The following BBS9 variants were observed in gnomAD, a reference collection of about 807,000 sequenced individuals.
BBS9 encodes the protein protein PTHB1.
In BBS9, 89 loss-of-function variants were observed where a neutral mutation model predicts 117.7. The ratio of observed to expected loss-of-function variants is 0.76; its 90% CI spans 0.64 to 0.90. The LOEUF is 0.90. Ranked by LOEUF, BBS9 falls within the 40% of genes least tolerant of loss-of-function variation. BBS9 has a pLI of 0.00. For missense variants in BBS9, 982 were observed against 1,042.2 expected, an observed-to-expected ratio of 0.94 and a Z score of 0.80; for synonymous variants, 379 against 370.9, an observed-to-expected ratio of 1.02 and a Z score of -0.25.
chr7:33,147,282 C>G (rs4723257), intron 2 of BBS9, among the ~76,000 whole-genome samples: 23,924 of 151,676 alleles, frequency 0.16, 2,031 homozygotes, highest in South Asian at 0.22. Flanking sequence ...CTAGTCATTA[C>G]CCTCTTAAAA....
intron 20 of BBS9, among the ~76,000 whole-genome samples, chr7:33,529,408 C>G (rs1469789521): frequency 6.6e-6 from 1 of 152,094 alleles, no homozygotes; most frequent in Non-Finnish European, 1.5e-5. Context: ...GGCAGGGGCT[C>G]TGGTAGAGGA....
At chr7:33,453,772 G>T (rs575611821) in intron 19 of BBS9, among the ~76,000 whole-genome samples, 1 of 151,952 alleles carries the variant, frequency 6.6e-6, no homozygotes. Flanking sequence ...TGCCTGCCTC[G>T]GCCTCCCAAA....
At chr7:33,427,287 A>T (rs1458211925) in intron 19 of BBS9, among the ~76,000 whole-genome samples, 2 of 152,222 alleles carry the variant, frequency 1.3e-5, no homozygotes, top group African/African-American at 4.8e-5. Context: ...TTAATTTGCA[A>T]TTACAGTAAA....
At chr7:33,503,779 G>C (rs1845775045) in intron 19 of BBS9, among the ~76,000 whole-genome samples, 1 of 151,610 alleles carries the variant, frequency 6.6e-6, no homozygotes, top group Non-Finnish European at 1.5e-5. Context: ...ACTTTAACAG[G>C]AGTCCGTTGT....
chr7:33,614,857 C>G (rs1286260886), intron 21 of BBS9, among the ~76,000 whole-genome samples: 3 of 152,008 alleles, frequency 2.0e-5, no homozygotes, highest in African/African-American at 4.8e-5. Flanking sequence ...TGAAATATGC[C>G]AGAGCATCCT....
intron 1 of BBS9, among the ~76,000 whole-genome samples, chr7:33,132,485 A>T (rs906662862): frequency 6.6e-6 from 1 of 152,254 alleles, no homozygotes; most frequent in African/African-American, 2.4e-5. Context: ...ACTTAAAGAC[A>T]AATCAGTGAG....
At chr7:33,626,689 C>T (rs1417377989) in intron 21 of BBS9, among the ~76,000 whole-genome samples, 1 of 152,136 alleles carries the variant, frequency 6.6e-6, no homozygotes, top group Non-Finnish European at 1.5e-5. Context: ...GGTTGTTAGG[C>T]ATTAGCAAAG....
intron 19 of BBS9, among the ~76,000 whole-genome samples, chr7:33,408,410 C>T (rs1188151062): frequency 6.6e-6 from 1 of 152,086 alleles, no homozygotes; most frequent in East Asian, 1.9e-4. Context: ...AATGCCTCAC[C>T]CTGCTTTCGC....
At chr7:33,293,603 C>T (rs1053315844) in intron 9 of BBS9, among the ~76,000 whole-genome samples, 5 of 152,050 alleles carry the variant, frequency 3.3e-5, no homozygotes. Context: ...AAGTGTCTTT[C>T]GGGAAATATA....
intron 20 of BBS9, among the ~76,000 whole-genome samples, chr7:33,508,329 A>G (rs1374912245): frequency 6.6e-6 from 1 of 152,218 alleles, no homozygotes; most frequent in Non-Finnish European, 1.5e-5. Context: ...GTAAGAAAAG[A>G]TACAATGGGC....
At chr7:33,615,542 G>T (rs943011746) in intron 21 of BBS9, among the ~76,000 whole-genome samples, 1 of 151,044 alleles carries the variant, frequency 6.6e-6, no homozygotes, top group Non-Finnish European at 1.5e-5. Flanking sequence ...AAACAGAAAA[G>T]CAAAGAAAAA....
intron 2 of BBS9, among the ~76,000 whole-genome samples, chr7:33,149,925 T>G (rs1793034235): frequency 6.6e-6 from 1 of 152,218 alleles, no homozygotes; most frequent in Non-Finnish European, 1.5e-5. Context: ...ATCTTGGTTA[T>G]TTAGTGAGTA....
intron 5 of BBS9, among the ~76,000 whole-genome samples, chr7:33,243,173 C>T (rs925629037): frequency 2.6e-5 from 4 of 152,194 alleles, no homozygotes; most frequent in African/African-American, 7.2e-5. Context: ...AGATTGCTAC[C>T]GTTGTTCCTC....
chr7:33,441,546 ATTTCTT>A (rs1386695363), intron 19 of BBS9, among the ~76,000 whole-genome samples: 1 of 152,136 alleles, frequency 6.6e-6, no homozygotes, highest in Non-Finnish European at 1.5e-5. Context: ...AATTATGTCT[ATTTCTT>A]TAGAATGTTC....
chr7:33,619,277 G>T (rs768537597), intron 21 of BBS9, among the ~76,000 whole-genome samples: 3 of 152,100 alleles, frequency 2.0e-5, no homozygotes, highest in Non-Finnish European at 2.9e-5. Flanking sequence ...ATTATATATT[G>T]ATAAAGTGGT....
intron 21 of BBS9, among the ~76,000 whole-genome samples, chr7:33,584,507 AG>A (rs1474364180): frequency 2.0e-5 from 3 of 152,188 alleles, no homozygotes; most frequent in African/African-American, 7.2e-5. Flanking sequence ...AAAAAATTAG[AG>A]TCCAGAGTGC....
At chr7:33,433,443 CAG>C (rs1834830962) in intron 19 of BBS9, among the ~76,000 whole-genome samples, 2 of 152,192 alleles carry the variant, frequency 1.3e-5, no homozygotes, top group South Asian at 4.1e-4. Context: ...GCAGAGATAT[CAG>C]ATAGATTTCT....
intron 2 of BBS9, among the ~76,000 whole-genome samples, chr7:33,148,615 G>T (rs1450599090): frequency 6.6e-6 from 1 of 151,212 alleles, no homozygotes; most frequent in Non-Finnish European, 1.5e-5. Flanking sequence ...CACCTGCCTC[G>T]GCCTCACAAA....
chr7:33,554,601 A>G (rs1854982690), intron 21 of BBS9, among the ~76,000 whole-genome samples: 2 of 152,102 alleles, frequency 1.3e-5, no homozygotes, highest in African/African-American at 2.4e-5. Context: ...GTGTGTGTGT[A>G]TGTGAGTTGG....
Sources: allele counts gnomAD v4.1 joint callset (sites outside exome capture counted in the v4.1 genomes callset), GRCh38; gene constraint gnomAD v4.1.1; transcripts MANE v1.5; gene names NCBI Gene and HGNC (gene_info 2026-07-23, HGNC 2026-07-21).